Variants in MSRA observed in about 807,000 individuals in gnomAD.
The protein encoded by MSRA is methionine sulfoxide reductase A, also known as mitochondrial peptide methionine sulfoxide reductase.
In MSRA, 54 loss-of-function variants were observed where a neutral mutation model predicts 31.3. The observed-to-expected ratio is 1.73, with a 90% CI of 1.39 to 2.17. The LOEUF is 2.17. Ranked by LOEUF, MSRA falls within the 30% of genes most tolerant of loss-of-function variation. The pLI is 0.00. For synonymous variants in MSRA, 169 were observed against 116.5 expected (o/e 1.45, Z -2.90); for missense variants, 507 against 300.9 (o/e 1.69, Z -5.07).
intron 1 of MSRA, chr8:10,095,952 A>G (rs1799131511): frequency 1.8e-5 from 24 of 1,365,380 alleles, no homozygotes; most frequent in Non-Finnish European, 2.1e-5. Flanking sequence ...ATTAGAGGGA[A>G]TATTAATTTT....
intron 1 of MSRA, among the ~76,000 whole-genome samples, chr8:10,072,435 C>T (rs1042802124): frequency 6.6e-6 from 1 of 151,598 alleles, no homozygotes; most frequent in East Asian, 1.9e-4. Flanking sequence ...GGGTCTGTTT[C>T]TGGGTCCTTA....
At chr8:10,123,963 G>T (rs17689563) in intron 1 of MSRA, among the ~76,000 whole-genome samples, 1 of 151,468 alleles carries the variant, frequency 6.6e-6, no homozygotes, top group African/African-American at 2.4e-5. Flanking sequence ...TGGAAGTCTC[G>T]ATGAGATCAG....
intron 5 of MSRA, among the ~76,000 whole-genome samples, chr8:10,405,766 CACACCTAT>C (rs1807769983): frequency 2.0e-5 from 1 of 49,768 alleles, no homozygotes; most frequent in East Asian, 4.3e-4. Flanking sequence ...TGTGCTCACA[CACACCTAT>C]GTGCTCACAC....
At chr8:10,184,717 G>C (rs1243282985) in intron 1 of MSRA, among the ~76,000 whole-genome samples, 2 of 152,030 alleles carry the variant, frequency 1.3e-5, no homozygotes, top group African/African-American at 4.8e-5. Flanking sequence ...GGTAGAGCAG[G>C]CATGACCTAA....
chr8:10,251,336 T>C lies in MSRA; in HGVS notation c.331+6113T>C, dbSNP rs1389330772. ...TGAGTTCTCTTATTAACAGATTTTA[T>C]CAAGCAATGTAAAACTCATTCTAAA... On this transcript the variant is annotated intron_variant, in intron 3 of 5. Transcript: ENST00000317173. 2.6e-5 allele frequency among the ~76,000 whole-genome samples: 4 copies of C among 152,182 alleles called. No homozygotes were observed. In the South Asian group the frequency reaches 6.2e-4, roughly 24 times the overall value.
rs140140518 is a variant in MSRA, at chr8:10,285,076, G to A, written c.332-16458G>A. Among the ~76,000 whole-genome samples the A allele has an allele frequency of 2.0e-3, 296 of 149,620 alleles. 2 individuals carry two copies. Among genetic ancestry groups the A allele is most frequent in the African/African-American group, 7.1e-3 (287 of 40,670 alleles). ...ACACATAACATAAAAATTACTAACAGCCATTTTTAAGTGTATTGTTCAGCA... is the reference window on the plus strand; with the variant it reads ...ACACATAACATAAAAATTACTAACAACCATTTTTAAGTGTATTGTTCAGCA... On this transcript the variant is annotated intron_variant, in intron 3 of 5. Transcript: ENST00000317173.
Position 10,101,506 on chromosome 8 carries a change from T to C in MSRA, c.142+46848T>C, listed in dbSNP as rs1799527128. Among the ~76,000 whole-genome samples, 4 of 152,194 alleles carry C rather than the reference T, an allele frequency of 2.6e-5. No homozygotes were observed. In the South Asian group the frequency reaches 6.2e-4, roughly 24 times the overall value. ...TTCATCTTGCAAAACCAAAATTCTGTACCCATAAACAATAACTTTCTATTC... is the reference window on the plus strand; with the variant it reads ...TTCATCTTGCAAAACCAAAATTCTGCACCCATAAACAATAACTTTCTATTC... On this transcript the variant is annotated intron_variant, in intron 1 of 5. Transcript: ENST00000317173.
intron 1 of MSRA, among the ~76,000 whole-genome samples, chr8:10,161,029 G>C (rs375515729): frequency 3.9e-5 from 6 of 152,194 alleles, no homozygotes; most frequent in African/African-American, 1.4e-4. Context: ...TAAGGCGAGA[G>C]CCTCCCCTCC....
At chr8:10,129,724 C>G (rs954437143) in intron 1 of MSRA, among the ~76,000 whole-genome samples, 1 of 152,124 alleles carries the variant, frequency 6.6e-6, no homozygotes, top group Non-Finnish European at 1.5e-5. Flanking sequence ...TTCAAAAAAG[C>G]AAAGATACCA....
At chr8:10,146,211 G>A (rs1000819113) in intron 1 of MSRA, among the ~76,000 whole-genome samples, 1 of 152,106 alleles carries the variant, frequency 6.6e-6, no homozygotes, top group African/African-American at 2.4e-5. Flanking sequence ...ATTTGCTTTG[G>A]GTTTTTTTTC....
intron 1 of MSRA, among the ~76,000 whole-genome samples, chr8:10,102,734 C>G (rs772827364): frequency 2.0e-5 from 3 of 152,170 alleles, no homozygotes; most frequent in Non-Finnish European, 2.9e-5. Context: ...GTTAACAAAC[C>G]TTCTCTGACA....
chr8:10,240,365 C>T (rs144341389), intron 2 of MSRA, among the ~76,000 whole-genome samples: 60 of 152,276 alleles, frequency 3.9e-4, no homozygotes, highest in African/African-American at 1.4e-3. Flanking sequence ...TAACCTATCT[C>T]TGCCATTGTG....
At chr8:10,370,001 A>C (rs1466499521) in intron 5 of MSRA, among the ~76,000 whole-genome samples, 1 of 152,228 alleles carries the variant, frequency 6.6e-6, no homozygotes, top group Non-Finnish European at 1.5e-5. Context: ...TGTTCTGTTC[A>C]TATTGAAGAA....
chr8:10,150,167 G>C lies in MSRA; in HGVS notation c.143-57666G>C, dbSNP rs189377217. Among the ~76,000 whole-genome samples the C allele has an allele frequency of 1.5e-3, 228 of 152,178 alleles. 1 individual carries two copies. The highest frequency in any genetic ancestry group is 5.1e-3 in the African/African-American group (212 of 41,520). On this transcript the variant is annotated intron_variant, in intron 1 of 5. Coordinates refer to ENST00000317173, the MANE Select transcript of MSRA (RefSeq NM_012331.5). ...GGGGGTAATCGGCAGTGAGGGAAAA[G>C]TACAGTGCCTCGTGGCTTCTAGGAT...
At chr8:10,178,173 G>A (rs1806218647) in intron 1 of MSRA, among the ~76,000 whole-genome samples, 1 of 152,196 alleles carries the variant, frequency 6.6e-6, no homozygotes, top group Non-Finnish European at 1.5e-5. Flanking sequence ...TAAAATGTCT[G>A]CATTGTCCTT....
At chr8:10,411,782 T>C (rs944553870) in intron 5 of MSRA, among the ~76,000 whole-genome samples, 1 of 152,268 alleles carries the variant, frequency 6.6e-6, no homozygotes, top group African/African-American at 2.4e-5. Flanking sequence ...GAAATTACAA[T>C]TGCTTTTTAA....
At chr8:10,112,593 T>A (rs1026168770) in intron 1 of MSRA, among the ~76,000 whole-genome samples, 4 of 152,240 alleles carry the variant, frequency 2.6e-5, no homozygotes, top group African/African-American at 9.6e-5. Context: ...GGAATACTCA[T>A]GAAAGGATAT....
At chr8:10,256,143 C>T (rs73662811) in intron 3 of MSRA, among the ~76,000 whole-genome samples, 18 of 152,176 alleles carry the variant, frequency 1.2e-4, no homozygotes, top group African/African-American at 3.1e-4. Context: ...TCCTCCCCCC[C>T]CAACCCCTGG....
intron 3 of MSRA, among the ~76,000 whole-genome samples, chr8:10,266,737 T>A (rs1798768803): frequency 6.6e-6 from 1 of 152,194 alleles, no homozygotes; most frequent in African/African-American, 2.4e-5. Context: ...CCATTTTGAT[T>A]AATTTTTATA....
Sources: gnomAD v4.1 joint callset for allele counts (sites outside exome capture counted in the v4.1 genomes callset) on GRCh38, gnomAD v4.1.1 for gene constraint, MANE v1.5 for transcripts, NCBI Gene and HGNC (gene_info 2026-07-23, HGNC 2026-07-21) for gene names.